GK5: variants seen among roughly 807,000 people sequenced by gnomAD.
GK5 encodes the protein glycerol kinase 5, also known as ATP:glycerol 3-phosphotransferase 5.
GK5 carries 39 observed loss-of-function variants against 77.3 expected under a neutral mutation model. The observed-to-expected ratio is 0.50, with a 90% CI of 0.39 to 0.66. The LOEUF (loss-of-function observed/expected upper bound fraction) is 0.66. GK5 is among the 30% of genes least tolerant of loss of function. GK5 has a pLI of 0.00. For missense variants in GK5, 487 were observed against 633.8 expected (o/e 0.77, Z 2.49); for synonymous variants, 211 against 208.0 (o/e 1.01, Z -0.13).
intron 11 of GK5, 41 bp from the exon 12 acceptor site, chr3:142,177,617 T>C (rs2107770607): frequency 8.2e-7 from 1 of 1,219,336 alleles, no homozygotes; most frequent in South Asian, 1.3e-5. Flanking sequence ...TAAAACAAAA[T>C]GAAGAGGTTA....
At chr3:142,216,319 G>A (rs2064276286) in intron 1 of GK5, among the ~76,000 whole-genome samples, 2 of 152,078 alleles carry the variant, frequency 1.3e-5, no homozygotes, top group South Asian at 4.1e-4. Flanking sequence ...ATGAGAAAGG[G>A]AACTCCTAAC....
chr3:142,188,237 A>C (rs540250262), intron 5 of GK5, among the ~76,000 whole-genome samples: 63 of 152,244 alleles, frequency 4.1e-4, no homozygotes, highest in African/African-American at 1.3e-3. Flanking sequence ...TCTCTACTAA[A>C]AATGCAAAAA....
At chr3:142,225,208 C>T in intron 1 of GK5, 101 bp downstream of exon 1, 2 of 1,297,352 alleles carry the variant, frequency 1.5e-6, no homozygotes, top group Non-Finnish European at 1.0e-6. Flanking sequence ...TGGCCGCGTC[C>T]AGGGCGGTAG....
chr3:142,166,827 A>G (rs1258459900), intron 15 of GK5, among the ~76,000 whole-genome samples: 2 of 152,146 alleles, frequency 1.3e-5, no homozygotes, highest in East Asian at 3.9e-4. Context: ...GAGCCACAGC[A>G]CCAGGTGAGA....
intron 5 of GK5, among the ~76,000 whole-genome samples, chr3:142,198,043 G>GAT (rs1353245887): frequency 6.0e-5 from 9 of 149,610 alleles, no homozygotes; most frequent in Admixed American, 5.3e-4. Context: ...AAAAGGTGAA[G>GAT]ATATATATAC....
intron 10 of GK5, 93 bp from the exon 11 acceptor site, chr3:142,181,658 T>C (rs1326002537): frequency 4.8e-6 from 4 of 833,040 alleles, no homozygotes; most frequent in Non-Finnish European, 5.7e-6. Context: ...CTCAAAAAAC[T>C]GCAAAGTGCC....
intron 12 of GK5, among the ~76,000 whole-genome samples, chr3:142,173,948 C>T (rs566423412): frequency 1.3e-5 from 2 of 152,316 alleles, no homozygotes; most frequent in African/African-American, 4.8e-5. Flanking sequence ...AATTCTTACT[C>T]CCTTCCAAAT....
intron 9 of GK5, chr3:142,185,583 C>T (rs971401635): frequency 1.3e-5 from 14 of 1,091,846 alleles, no homozygotes; most frequent in African/African-American, 1.2e-4. Flanking sequence ...CATAAATATT[C>T]GCCCCATCAC....
intron 5 of GK5, among the ~76,000 whole-genome samples, chr3:142,195,335 G>A (rs1217574920): frequency 6.6e-6 from 1 of 151,480 alleles, no homozygotes; most frequent in African/African-American, 2.4e-5. Flanking sequence ...TTGAAGTTTT[G>A]TGTGTGTGTG....
chr3:142,189,182 C>A (rs949378250), intron 5 of GK5, among the ~76,000 whole-genome samples: 25 of 152,278 alleles, frequency 1.6e-4, no homozygotes, highest in African/African-American at 5.8e-4. Flanking sequence ...ATATCCCCAA[C>A]ACCTAGGGAG....
At chr3:142,204,581 G>A (rs1439734951) in intron 4 of GK5, 114 bp downstream of exon 4, 5 of 755,642 alleles carry the variant, frequency 6.6e-6, no homozygotes, top group Non-Finnish European at 1.2e-5. Context: ...TGGGGAGTGT[G>A]TGCGTATGTC....
intron 3 of GK5, among the ~76,000 whole-genome samples, chr3:142,209,115 C>T (rs2064155551): frequency 6.6e-6 from 1 of 151,832 alleles, no homozygotes; most frequent in East Asian, 1.9e-4. Context: ...CACCACTGCA[C>T]TCCAGCCTGG....
intron 3 of GK5, among the ~76,000 whole-genome samples, chr3:142,208,664 T>C (rs1262581745): frequency 2.0e-5 from 3 of 152,250 alleles, no homozygotes; most frequent in African/African-American, 7.2e-5. Flanking sequence ...CACATACTTA[T>C]ACACTTAAAT....
At chr3:142,225,272 C>T in intron 1 of GK5, 37 bp downstream of exon 1, 1 of 1,499,930 alleles carries the variant, frequency 6.7e-7, no homozygotes, top group Non-Finnish European at 8.9e-7. Context: ...CAGCGAAACC[C>T]AGTCAGACCC....
At chr3:142,186,982 A>G (rs140078073) in intron 6 of GK5, among the ~76,000 whole-genome samples, 1 of 152,186 alleles carries the variant, frequency 6.6e-6, no homozygotes, top group Non-Finnish European at 1.5e-5. Context: ...CCCACTTAAT[A>G]TTTATGAACT....
At chr3:142,200,079 CTTT>C (rs1418506694) in intron 4 of GK5, among the ~76,000 whole-genome samples, 1 of 151,232 alleles carries the variant, frequency 6.6e-6, no homozygotes, top group African/African-American at 2.4e-5. Flanking sequence ...CTCACACCTT[CTTT>C]ATTTCTATAT....
rs1256959164 is a variant in GK5, at chr3:142,165,253, T to C, written c.*369A>G. On this transcript the variant is annotated 3_prime_UTR_variant, in exon 16 of 16. Coordinates refer to ENST00000392993, the MANE Select transcript of GK5 (RefSeq NM_001039547.3). Reference sequence around the variant, plus strand: ...ACATAATTTTGGAACAATATGTGCATGGTACTTGACCCAGAACTATTAGCT... The same window carrying C: ...ACATAATTTTGGAACAATATGTGCACGGTACTTGACCCAGAACTATTAGCT... 1 of 164,698 alleles carries C rather than the reference T, an allele frequency of 6.1e-6. No homozygotes were observed. Among genetic ancestry groups the C allele is most frequent in the Non-Finnish European group, 1.3e-5 (1 of 76,502 alleles). The allele number at this position is 164,698 out of a possible 1,614,324, so 10.2% of individuals were successfully genotyped here.
chr3:142,213,394 C>A (rs1274762012), intron 3 of GK5, 132 bp downstream of exon 3: 1 of 640,982 alleles, frequency 1.6e-6, no homozygotes, highest in East Asian at 2.6e-5. Context: ...AAAGCAGGCA[C>A]ATTTCATCCC....
intron 12 of GK5, chr3:142,173,198 C>CT: frequency 5.2e-6 from 2 of 386,332 alleles, no homozygotes; most frequent in Non-Finnish European, 9.9e-6. Context: ...GAGACAGGGT[C>CT]TAAAAAAAAA....
Sources: allele counts gnomAD v4.1 joint callset (sites outside exome capture counted in the v4.1 genomes callset), GRCh38; gene constraint gnomAD v4.1.1; transcripts MANE v1.5; gene names NCBI Gene and HGNC (gene_info 2026-07-23, HGNC 2026-07-21).